The following EYS variants were observed in gnomAD, a reference collection of about 807,000 sequenced individuals.
EYS encodes the protein EGF-like photoreceptor maintenance factor.
EYS carries 250 observed loss-of-function variants against 282.1 expected under a neutral mutation model. That is an observed-to-expected ratio of 0.89 (90% confidence interval 0.80 to 0.98). The LOEUF is 0.98. EYS is among the 50% of genes least tolerant of loss of function. The pLI, the probability that EYS is intolerant of heterozygous loss-of-function variation, is 0.00. For missense variants in EYS, 4,016 were observed against 3,709.0 expected (o/e 1.08, Z -2.15); for synonymous variants, 1,355 against 1,282.9 (o/e 1.06, Z -1.20).
At chr6:64,746,346 C>T (rs762649850) in intron 22 of EYS, among the ~76,000 whole-genome samples, 1 of 151,924 alleles carries the variant, frequency 6.6e-6, no homozygotes, top group African/African-American at 2.4e-5. Context: ...CCTACTTTGC[C>T]TTCTCTTTGC....
chr6:64,629,825 A>G (rs1429351468), intron 22 of EYS, among the ~76,000 whole-genome samples: 1 of 152,182 alleles, frequency 6.6e-6, no homozygotes, highest in Non-Finnish European at 1.5e-5. Flanking sequence ...CTACAAAGAT[A>G]ATGATTGCAT....
intron 10 of EYS, 132 bp from the exon 11 acceptor site, chr6:65,335,278 G>C (rs1769946055): frequency 1.4e-6 from 1 of 720,672 alleles, no homozygotes; most frequent in East Asian, 2.7e-5. Flanking sequence ...GGAAACAGAA[G>C]GTAACTATTG....
chr6:64,622,544 T>A (rs4710481), intron 23 of EYS, among the ~76,000 whole-genome samples: 85,945 of 151,386 alleles, frequency 0.57, 24,692 homozygotes, highest in South Asian at 0.68. Context: ...TTCACACAGC[T>A]CTGTTTGTAC....
At chr6:64,915,242 T>C (rs2150078198) in intron 15 of EYS, among the ~76,000 whole-genome samples, 1 of 152,260 alleles carries the variant, frequency 6.6e-6, no homozygotes, top group Admixed American at 6.5e-5. Context: ...AAAATTTGCT[T>C]GCCATACACT....
At chr6:64,517,463 G>A (rs563497642) in intron 26 of EYS, among the ~76,000 whole-genome samples, 4 of 151,934 alleles carry the variant, frequency 2.6e-5, no homozygotes, top group African/African-American at 9.6e-5. Flanking sequence ...TGGTTTGGCA[G>A]TAATTGAAAC....
intron 26 of EYS, among the ~76,000 whole-genome samples, chr6:64,545,292 C>G (rs1764819750): frequency 6.6e-6 from 1 of 152,094 alleles, no homozygotes; most frequent in African/African-American, 2.4e-5. Context: ...TCAATAGATG[C>G]AGAAAAGGCC....
chr6:63,779,799 G>T (rs796239339), intron 39 of EYS, among the ~76,000 whole-genome samples: 17 of 145,832 alleles, frequency 1.2e-4, no homozygotes, highest in African/African-American at 4.1e-4. Context: ...TGCATACCTT[G>T]CAGGTTTGTT....
chr6:64,000,451 C>T (rs1301568018), intron 33 of EYS, among the ~76,000 whole-genome samples: 2 of 151,506 alleles, frequency 1.3e-5, no homozygotes, highest in African/African-American at 4.9e-5. Context: ...CTCCCAACCT[C>T]GGCCTCCCAA....
At chr6:65,062,198 A>T (rs535529320) in intron 12 of EYS, among the ~76,000 whole-genome samples, 161 of 152,050 alleles carry the variant, frequency 1.1e-3, no homozygotes, top group Admixed American at 2.4e-3. Flanking sequence ...CACCACTTGG[A>T]CATATTCTAG....
chr6:64,516,997 A>T (rs1409434222), intron 26 of EYS, among the ~76,000 whole-genome samples: 3 of 151,938 alleles, frequency 2.0e-5, no homozygotes, highest in Non-Finnish European at 4.4e-5. Flanking sequence ...ATATCTCTTA[A>T]TACTAGCACA....
intron 29 of EYS, among the ~76,000 whole-genome samples, chr6:64,366,632 A>C (rs1217666232): frequency 6.6e-6 from 1 of 152,066 alleles, no homozygotes; most frequent in Non-Finnish European, 1.5e-5. Context: ...AGAGATTTTA[A>C]GATTCTCAAG....
rs920759625 is a variant in EYS, at chr6:64,047,738, G to T, written c.6725+18600C>A. 2.0e-5 allele frequency among the ~76,000 whole-genome samples: 3 copies of T among 152,052 alleles called. 1 individual carries two copies. The South Asian group carries it at 6.2e-4, about 32-fold the overall frequency. On this transcript the variant is annotated intron_variant, in intron 33 of 42. Coordinates refer to ENST00000503581, the MANE Select transcript of EYS (RefSeq NM_001142800.2). Reference sequence around the variant, plus strand: ...GGATACTGCTATTATTCCCCTTTCAGGTGCATCTTAGAAGGTTAAGTCACT... The same window carrying T: ...GGATACTGCTATTATTCCCCTTTCATGTGCATCTTAGAAGGTTAAGTCACT...
chr6:64,897,921 GAACA>G (rs775785021), intron 18 of EYS, among the ~76,000 whole-genome samples: 8 of 152,070 alleles, frequency 5.3e-5, no homozygotes, highest in Admixed American at 3.9e-4. Flanking sequence ...GAATGAAAAG[GAACA>G]AACAAAGTCT....
chr6:64,125,153 T>TCTCTCTCTCTCTCTCTCTC (rs1562213531), intron 31 of EYS, among the ~76,000 whole-genome samples: 16 of 148,918 alleles, frequency 1.1e-4, no homozygotes, highest in African/African-American at 3.9e-4. Context: ...ACACACTCTC[T>TCTCTCTCTCTCTCTCTCTC]GTCTCTCTCT....
At chr6:65,667,031 AC>A (rs1004110656) in intron 1 of EYS, among the ~76,000 whole-genome samples, 1 of 151,766 alleles carries the variant, frequency 6.6e-6, no homozygotes, top group African/African-American at 2.4e-5. Context: ...AGTTCTAGGT[AC>A]TAACAAATCA....
At chr6:64,302,895 T>G (rs1249036368) in intron 30 of EYS, among the ~76,000 whole-genome samples, 1 of 152,104 alleles carries the variant, frequency 6.6e-6, no homozygotes, top group Non-Finnish European at 1.5e-5. Context: ...AAAGAGGATA[T>G]GCTTGTTTTC....
At chr6:65,416,696 T>C (rs991024188) in intron 5 of EYS, among the ~76,000 whole-genome samples, 2 of 152,014 alleles carry the variant, frequency 1.3e-5, no homozygotes, top group Non-Finnish European at 2.9e-5. Context: ...TCCGAAGCAA[T>C]TCTGTGTAAA....
intron 19 of EYS, among the ~76,000 whole-genome samples, chr6:64,831,231 AT>A (rs1210362170): frequency 2.0e-5 from 3 of 151,934 alleles, no homozygotes; most frequent in African/African-American, 4.8e-5. Flanking sequence ...ATGCTTTTAA[AT>A]TTTTTTGTCA....
At chr6:65,066,591 T>A (rs1333541900) in intron 12 of EYS, among the ~76,000 whole-genome samples, 1 of 152,174 alleles carries the variant, frequency 6.6e-6, no homozygotes, top group African/African-American at 2.4e-5. Context: ...AGAAAGAAGA[T>A]ATTAGATTTA....
Sources: allele counts gnomAD v4.1 joint callset (sites outside exome capture counted in the v4.1 genomes callset), GRCh38; gene constraint gnomAD v4.1.1; transcripts MANE v1.5; gene names NCBI Gene and HGNC (gene_info 2026-07-23, HGNC 2026-07-21).